NRIP1: variants seen among roughly 807,000 people sequenced by gnomAD.
NRIP1 encodes the protein nuclear receptor interacting protein 1, also known as nuclear receptor-interacting protein 1.
A neutral mutation model predicts 75.0 loss-of-function variants in NRIP1; 28 were observed. That is an observed-to-expected ratio of 0.37 (90% confidence interval 0.28 to 0.51). NRIP1 has a LOEUF of 0.51. Ranked by LOEUF, NRIP1 falls within the 20% of genes least tolerant of loss-of-function variation. The pLI is 0.92. For missense variants in NRIP1, 1,435 were observed against 1,343.7 expected (o/e 1.07, Z -1.06); for synonymous variants, 526 against 487.6 (o/e 1.08, Z -1.04).
intron 3 of NRIP1, among the ~76,000 whole-genome samples, chr21:14,980,115 C>A (rs1011215040): frequency 1.3e-5 from 2 of 152,074 alleles, no homozygotes; most frequent in African/African-American, 4.8e-5. Flanking sequence ...CAACAATTTT[C>A]AAATCACAGG....
intron 3 of NRIP1, among the ~76,000 whole-genome samples, chr21:14,970,069 G>T (rs143845716): frequency 6.6e-6 from 1 of 152,134 alleles, no homozygotes; most frequent in African/African-American, 2.4e-5. Flanking sequence ...TGTTTTTCAG[G>T]GAGTAGGGAG....
chr21:14,977,333 T>G (rs939710721), intron 3 of NRIP1, among the ~76,000 whole-genome samples: 1 of 152,198 alleles, frequency 6.6e-6, no homozygotes, highest in Non-Finnish European at 1.5e-5. Flanking sequence ...AGCAGGGCTT[T>G]GAAAGGAAGT....
intron 2 of NRIP1, among the ~76,000 whole-genome samples, chr21:15,035,225 T>C (rs376839065): frequency 6.6e-6 from 1 of 152,280 alleles, no homozygotes; most frequent in East Asian, 1.9e-4. Context: ...GTTTTAAATT[T>C]TTTTAAAAAA....
intron 1 of NRIP1, among the ~76,000 whole-genome samples, chr21:15,044,268 CA>C (rs974882505): frequency 6.6e-6 from 1 of 151,122 alleles, no homozygotes; most frequent in African/African-American, 2.4e-5. Flanking sequence ...GAGTTTGAAA[CA>C]CCTCATTTCT....
intron 1 of NRIP1, among the ~76,000 whole-genome samples, chr21:15,048,821 A>T (rs2089142152): frequency 6.6e-6 from 1 of 152,242 alleles, no homozygotes; most frequent in African/African-American, 2.4e-5. Flanking sequence ...AATACAAAAA[A>T]GTAGAATGTG....
chr21:14,981,427 C>T (rs113245548), intron 3 of NRIP1, among the ~76,000 whole-genome samples: 7 of 152,306 alleles, frequency 4.6e-5, no homozygotes, highest in South Asian at 4.1e-4. Context: ...GTTTAGGGCA[C>T]GTTCTGCCTG....
At chr21:15,058,455 T>A (rs1452388874) in intron 1 of NRIP1, among the ~76,000 whole-genome samples, 1 of 152,174 alleles carries the variant, frequency 6.6e-6, no homozygotes, top group Admixed American at 6.5e-5. Flanking sequence ...AATCTATTGC[T>A]CTATTATAGA....
intron 3 of NRIP1, chr21:14,971,343 A>G (rs995024102): frequency 2.6e-5 from 4 of 152,234 alleles, no homozygotes; most frequent in African/African-American, 9.6e-5. Flanking sequence ...TAGATGAGAT[A>G]CTAAAATAAT....
intron 1 of NRIP1, chr21:15,050,862 GC>G (rs904212786): frequency 2.2e-5 from 10 of 455,864 alleles, no homozygotes; most frequent in African/African-American, 1.4e-4. Flanking sequence ...CACCCAGGAG[GC>G]AATATTCCCC....
rs753113714 is a variant in NRIP1 at position 14,963,848 on chromosome 21, A to T, written c.*868T>A. ...GGAATGGTGAGAATTAACTTTTACA[A>T]GAGATGGTGAAAACTGTCCAAAGAA... On this transcript the variant is annotated 3_prime_UTR_variant, in exon 4 of 4. Transcript: ENST00000318948. 1 of 152,334 alleles carries T rather than the reference A, an allele frequency of 6.6e-6. No homozygotes were observed. The highest frequency in any genetic ancestry group is 2.4e-5 in the African/African-American group (1 of 41,458). 9.4% of individuals were successfully genotyped at this position (152,334 alleles called of 1,614,324 possible).
chr21:15,063,718 A>G (rs541208505), intron 1 of NRIP1, among the ~76,000 whole-genome samples: 2 of 152,200 alleles, frequency 1.3e-5, no homozygotes, highest in African/African-American at 2.4e-5. Flanking sequence ...CAGTTCCACC[A>G]ACTGGGTTTT....
At chr21:14,994,461 T>C (rs2087664579) in intron 3 of NRIP1, among the ~76,000 whole-genome samples, 1 of 152,244 alleles carries the variant, frequency 6.6e-6, no homozygotes, top group African/African-American at 2.4e-5. Context: ...TCTAACTTTT[T>C]TATTATTTTC....
At chr21:15,029,337 C>T (rs2088591790) in intron 2 of NRIP1, among the ~76,000 whole-genome samples, 1 of 152,114 alleles carries the variant, frequency 6.6e-6, no homozygotes, top group African/African-American at 2.4e-5. Flanking sequence ...GAATACTCTC[C>T]TTCCCAGAGG....
chr21:15,063,862 T>C (rs937242784), intron 1 of NRIP1, among the ~76,000 whole-genome samples: 1 of 152,226 alleles, frequency 6.6e-6, no homozygotes, highest in Non-Finnish European at 1.5e-5. Context: ...ATTGACGTGA[T>C]AAAAGGTAGA....
intron 2 of NRIP1, among the ~76,000 whole-genome samples, chr21:15,031,940 C>A (rs1199391876): frequency 7.0e-6 from 1 of 141,932 alleles, no homozygotes; most frequent in Non-Finnish European, 1.5e-5. Flanking sequence ...CTGAAAGGTG[C>A]TCAAAGGACA....
intron 3 of NRIP1, among the ~76,000 whole-genome samples, chr21:14,981,702 A>G (rs1415230736): frequency 1.3e-5 from 2 of 152,234 alleles, no homozygotes; most frequent in Non-Finnish European, 2.9e-5. Flanking sequence ...GCATCATTTA[A>G]TAAAATTAAA....
At chr21:15,030,585 A>G (rs190288580) in intron 2 of NRIP1, among the ~76,000 whole-genome samples, 99 of 152,368 alleles carry the variant, frequency 6.5e-4, no homozygotes, top group African/African-American at 2.3e-3. Context: ...ACATATTACC[A>G]AAGCAAAGGC....
chr21:15,005,228 T>A (rs2087934884), intron 3 of NRIP1, among the ~76,000 whole-genome samples: 1 of 152,152 alleles, frequency 6.6e-6, no homozygotes. Flanking sequence ...ATAATTTAAA[T>A]CCTCTCCATC....
At chr21:15,018,893 T>C (rs1391755212) in intron 2 of NRIP1, among the ~76,000 whole-genome samples, 1 of 152,092 alleles carries the variant, frequency 6.6e-6, no homozygotes, top group Non-Finnish European at 1.5e-5. Context: ...CAAACATTCA[T>C]GCTTTGTCCC....
Sources: allele counts gnomAD v4.1 joint callset (sites outside exome capture counted in the v4.1 genomes callset), GRCh38; gene constraint gnomAD v4.1.1; transcripts MANE v1.5; gene names NCBI Gene and HGNC (gene_info 2026-07-23, HGNC 2026-07-21).